CREB5: variants seen among roughly 807,000 people sequenced by gnomAD.
The protein encoded by CREB5 is cyclic AMP-responsive element-binding protein 5.
Under a neutral mutation model 57.1 loss-of-function variants are expected in CREB5, and 19 were observed. The ratio of observed to expected loss-of-function variants is 0.33; its 90% CI spans 0.23 to 0.49. The LOEUF (loss-of-function observed/expected upper bound fraction) is 0.49, where lower values mean the gene tolerates loss of function less well. CREB5 is among the 20% of genes least tolerant of loss of function. The pLI is 0.99. For synonymous variants in CREB5, 238 were observed against 238.3 expected, an observed-to-expected ratio of 1.00 and a Z score of 0.01; for missense variants, 579 against 671.6, an observed-to-expected ratio of 0.86 and a Z score of 1.52.
intron 1 of CREB5, among the ~76,000 whole-genome samples, chr7:28,348,027 G>GTTCTTCATA (rs1786099083): frequency 6.6e-6 from 1 of 152,022 alleles, no homozygotes; most frequent in Non-Finnish European, 1.5e-5. Flanking sequence ...AGGGAGAGAG[G>GTTCTTCATA]GTTCCCAGGT....
At chr7:28,505,538 T>C (rs1002383748) in intron 3 of CREB5, among the ~76,000 whole-genome samples, 3 of 152,194 alleles carry the variant, frequency 2.0e-5, no homozygotes, top group African/African-American at 7.2e-5. Context: ...AATTCCCCCA[T>C]ATTACAGTAT....
intron 9 of CREB5, among the ~76,000 whole-genome samples, chr7:28,816,100 T>C (rs1357733588): frequency 6.7e-6 from 1 of 149,934 alleles, no homozygotes. Flanking sequence ...CACATCTCTG[T>C]TTCCTTTCTT....
intron 4 of CREB5, among the ~76,000 whole-genome samples, chr7:28,561,383 T>G (rs950390956): frequency 6.6e-6 from 1 of 152,070 alleles, no homozygotes; most frequent in African/African-American, 2.4e-5. Context: ...GACCAAGGAG[T>G]AGTTAGCTGA....
chr7:28,324,293 C>G (rs1785541868), intron 1 of CREB5, among the ~76,000 whole-genome samples: 1 of 152,156 alleles, frequency 6.6e-6, no homozygotes, highest in Non-Finnish European at 1.5e-5. Context: ...TAAGAGCTGT[C>G]TGTAAGCACT....
chr7:28,514,664 G>T (rs1290209035), intron 4 of CREB5, among the ~76,000 whole-genome samples: 1 of 152,178 alleles, frequency 6.6e-6, no homozygotes, highest in Non-Finnish European at 1.5e-5. Flanking sequence ...AAAGTGCTGG[G>T]ATTACAGGCG....
At chr7:28,317,607 T>C (rs948699725) in intron 1 of CREB5, among the ~76,000 whole-genome samples, 2 of 152,360 alleles carry the variant, frequency 1.3e-5, no homozygotes, top group African/African-American at 4.8e-5. Context: ...TCTACAATTA[T>C]GTAATTTGGG....
At chr7:28,579,892 C>T (rs777502659) in intron 5 of CREB5, among the ~76,000 whole-genome samples, 6 of 152,226 alleles carry the variant, frequency 3.9e-5, no homozygotes, top group Non-Finnish European at 5.9e-5. Context: ...AGCATTTGAC[C>T]GACTCTCAGG....
intron 5 of CREB5, among the ~76,000 whole-genome samples, chr7:28,632,363 G>A (rs1386423883): frequency 5.3e-5 from 8 of 152,148 alleles, no homozygotes; most frequent in African/African-American, 1.9e-4. Flanking sequence ...CTGATGACAG[G>A]ACATGGATGT....
At chr7:28,705,348 G>C (rs1378289653) in intron 5 of CREB5, among the ~76,000 whole-genome samples, 1 of 138,294 alleles carries the variant, frequency 7.2e-6, no homozygotes, top group East Asian at 2.0e-4. Context: ...CTGGGTGACA[G>C]AGTGAGACTC....
intron 5 of CREB5, among the ~76,000 whole-genome samples, chr7:28,676,415 C>T (rs1800323239): frequency 6.6e-6 from 1 of 152,144 alleles, no homozygotes; most frequent in South Asian, 2.1e-4. Flanking sequence ...TAAGGAGTCT[C>T]ATTGTAATTC....
At chr7:28,348,499 A>G (rs1226982062) in intron 1 of CREB5, among the ~76,000 whole-genome samples, 1 of 151,956 alleles carries the variant, frequency 6.6e-6, no homozygotes, top group African/African-American at 2.4e-5. Flanking sequence ...TGCTCAGCAT[A>G]CTATCTGGCC....
chr7:28,790,462 T>TAGAG (rs1242699378), intron 7 of CREB5, among the ~76,000 whole-genome samples: 2 of 33,922 alleles, frequency 5.9e-5, no homozygotes, highest in South Asian at 8.6e-4. Context: ...GAGAGAGAGA[T>TAGAG]AGAGAGAGAG....
At chr7:28,768,255 A>C (rs1210306473) in intron 7 of CREB5, among the ~76,000 whole-genome samples, 1 of 152,140 alleles carries the variant, frequency 6.6e-6, no homozygotes, top group Non-Finnish European at 1.5e-5. Flanking sequence ...TCTTGTGGAA[A>C]GTAAGAGGGT....
chr7:28,622,132 C>T (rs1379982396), intron 5 of CREB5, among the ~76,000 whole-genome samples: 2 of 152,130 alleles, frequency 1.3e-5, no homozygotes, highest in Non-Finnish European at 2.9e-5. Context: ...AGATAGTGTG[C>T]ACACAATGTG....
At chr7:28,539,136 A>G (rs973693910) in intron 4 of CREB5, among the ~76,000 whole-genome samples, 3 of 152,228 alleles carry the variant, frequency 2.0e-5, no homozygotes, top group East Asian at 1.9e-4. Flanking sequence ...TCTTTTGTGT[A>G]CACTGGAGAT....
chr7:28,530,514 G>T (rs1049404500), intron 4 of CREB5, among the ~76,000 whole-genome samples: 1 of 152,180 alleles, frequency 6.6e-6, no homozygotes, highest in Non-Finnish European at 1.5e-5. Flanking sequence ...CCCATAAAAA[G>T]CTGCCTTTGG....
At chr7:28,758,762 A>G (rs1291405164) in intron 7 of CREB5, among the ~76,000 whole-genome samples, 1 of 152,254 alleles carries the variant, frequency 6.6e-6, no homozygotes. Flanking sequence ...AAAGAACCCA[A>G]AGTCGAGCAC....
intron 1 of CREB5, among the ~76,000 whole-genome samples, chr7:28,436,729 G>A (rs775945662): frequency 6.6e-6 from 1 of 151,994 alleles, no homozygotes; most frequent in Non-Finnish European, 1.5e-5. Context: ...GGTTTGAAAT[G>A]AGAGTAAAGA....
rs548658226 is a variant in CREB5, at chr7:28,658,298, C to G, written c.465-60455C>G. Reference sequence around the variant, plus strand: ...GAGTAAAATTCATTTTATGACCTACCCTGTGATTGTACGAACTCAGAAAGA... The same window carrying G: ...GAGTAAAATTCATTTTATGACCTACGCTGTGATTGTACGAACTCAGAAAGA... On this transcript the variant is annotated intron_variant, in intron 5 of 10. Coordinates refer to ENST00000357727, the MANE Select transcript of CREB5 (RefSeq NM_182898.4). Among the ~76,000 whole-genome samples, 9 of 152,138 alleles carry G rather than the reference C, an allele frequency of 5.9e-5. No individual in the cohort carries two copies. The East Asian group carries it at 1.7e-3, about 29-fold the overall frequency.
Sources: allele counts gnomAD v4.1 joint callset (sites outside exome capture counted in the v4.1 genomes callset), GRCh38; gene constraint gnomAD v4.1.1; transcripts MANE v1.5; gene names NCBI Gene and HGNC (gene_info 2026-07-23, HGNC 2026-07-21).